The following GRID2 variants were observed in gnomAD, a reference collection of about 807,000 sequenced individuals.
The protein encoded by GRID2 is glutamate ionotropic receptor delta type subunit 2, also known as glutamate receptor ionotropic, delta-2.
Under a neutral mutation model 114.8 loss-of-function variants are expected in GRID2, and 33 were observed. The observed-to-expected ratio is 0.29, with a 90% CI of 0.22 to 0.38. The LOEUF is 0.38. Ranked by LOEUF, GRID2 falls within the 10% of genes least tolerant of loss-of-function variation. The probability of loss-of-function intolerance (pLI) is 1.00; values close to 1 mark genes in which losing one functional copy is unlikely to be tolerated. For synonymous variants in GRID2, 505 were observed against 449.9 expected (o/e 1.12, Z -1.55); for missense variants, 1,184 against 1,257.7 (o/e 0.94, Z 0.89).
At chr4:92,475,867 A>G (rs1250584525) in intron 1 of GRID2, among the ~76,000 whole-genome samples, 1 of 151,974 alleles carries the variant, frequency 6.6e-6, no homozygotes, top group Non-Finnish European at 1.5e-5. Context: ...TTTTCGGTTT[A>G]CAGATCTTTT....
chr4:93,383,651 T>A (rs1377469260), intron 8 of GRID2, among the ~76,000 whole-genome samples: 2 of 152,170 alleles, frequency 1.3e-5, no homozygotes, highest in African/African-American at 4.8e-5. Context: ...GAGAACCAGC[T>A]GTAATTCTAA....
At chr4:93,388,971 G>A (rs563529736) in intron 8 of GRID2, among the ~76,000 whole-genome samples, 1 of 152,160 alleles carries the variant, frequency 6.6e-6, no homozygotes, top group African/African-American at 2.4e-5. Flanking sequence ...TGAAGTGATA[G>A]TGAAATATAA....
At position 92,445,152 on chromosome 4, in the gene GRID2, C is replaced by T. The variant is rs770035983; in HGVS notation, c.88+140408C>T. Among the ~76,000 whole-genome samples the T allele has an allele frequency of 3.9e-4, 59 of 152,158 alleles. 1 individual carries two copies. Among genetic ancestry groups the T allele is most frequent in the Non-Finnish European group, 2.9e-4 (20 of 68,028 alleles). The stretch of plus-strand genomic sequence containing the variant: ...TTTCACATCTCTTAACTCATTTGAT[C>T]TTGTTAACAGTGCTACAAAGTAGAT... On this transcript the variant is annotated intron_variant, in intron 1 of 15. Coordinates refer to ENST00000282020, the MANE Select transcript of GRID2 (RefSeq NM_001510.4).
chr4:92,460,973 A>AT, intron 1 of GRID2, among the ~76,000 whole-genome samples: 1 of 151,612 alleles, frequency 6.6e-6, no homozygotes, highest in Non-Finnish European at 1.5e-5. Context: ...ACGCTAACCT[A>AT]TTTTCCTCCC....
chr4:93,602,153 C>T (rs1244331224), intron 13 of GRID2, among the ~76,000 whole-genome samples: 4 of 152,150 alleles, frequency 2.6e-5, no homozygotes, highest in Non-Finnish European at 5.9e-5. Flanking sequence ...ATAAGAAAAT[C>T]TTCCCATTTT....
chr4:92,451,426 T>G (rs1018054787), intron 1 of GRID2, among the ~76,000 whole-genome samples: 1 of 152,102 alleles, frequency 6.6e-6, no homozygotes, highest in Non-Finnish European at 1.5e-5. Flanking sequence ...TAAGAAAAAT[T>G]ATTTGACCAC....
At chr4:92,356,145 A>AT (rs1159717932) in intron 1 of GRID2, among the ~76,000 whole-genome samples, 2 of 151,630 alleles carry the variant, frequency 1.3e-5, no homozygotes, top group Non-Finnish European at 3.0e-5. Context: ...TAACTTTCAT[A>AT]TTTTAAAAAA....
At chr4:93,442,444 T>C (rs1721707995) in intron 10 of GRID2, among the ~76,000 whole-genome samples, 1 of 152,076 alleles carries the variant, frequency 6.6e-6, no homozygotes, top group Non-Finnish European at 1.5e-5. Context: ...CCTCTTCTAA[T>C]GCTACTGTAA....
At chr4:93,574,191 G>A (rs1736197857) in intron 13 of GRID2, among the ~76,000 whole-genome samples, 1 of 152,118 alleles carries the variant, frequency 6.6e-6, no homozygotes, top group African/African-American at 2.4e-5. Context: ...ACTTCCTCCA[G>A]CTATGCCTAT....
chr4:93,224,757 G>A lies in GRID2; in HGVS notation c.1107G>A (p.Met369Ile). The A allele has an allele frequency of 6.2e-7, 1 of 1,611,680 alleles. No individual in the cohort carries two copies. The change falls in exon 7 of 16, where the codon ATG becomes ATA. Residue 369 changes from methionine to isoleucine, a missense_variant. Physicochemically the swap from Met to Ile is conservative, Grantham distance 10 (BLOSUM62 1). Coordinates refer to ENST00000282020, the MANE Select transcript of GRID2 (RefSeq NM_001510.4). Reference sequence around the variant, plus strand: ...AGCCCTGGCAGGGTGGGCGCTCCATGTTGGAGACCATCAAGAAGGTAACTT... The same window carrying A: ...AGCCCTGGCAGGGTGGGCGCTCCATATTGGAGACCATCAAGAAGGTAACTT... The part of the protein sequence containing the change: ...NSKPWQGGRS[M>I]LETIKKGGVS...
chr4:92,834,138 C>T (rs761132668), intron 2 of GRID2, among the ~76,000 whole-genome samples: 19 of 152,072 alleles, frequency 1.2e-4, no homozygotes, highest in Non-Finnish European at 2.2e-4. Flanking sequence ...TTCCCCTGAA[C>T]CTTTATATTT....
intron 8 of GRID2, among the ~76,000 whole-genome samples, chr4:93,261,703 G>A (rs1295207518): frequency 6.6e-6 from 1 of 151,794 alleles, no homozygotes; most frequent in Admixed American, 6.6e-5. Context: ...ATAGGAGTAT[G>A]TATTCCTGTA....
chr4:93,116,564 A>G (rs990110011), intron 4 of GRID2, among the ~76,000 whole-genome samples: 2 of 152,050 alleles, frequency 1.3e-5, no homozygotes, highest in African/African-American at 4.8e-5. Flanking sequence ...AATCTCCAAA[A>G]TCCCCATTTC....
intron 2 of GRID2, among the ~76,000 whole-genome samples, chr4:92,652,786 G>A (rs1274810271): frequency 7.4e-6 from 1 of 134,614 alleles, no homozygotes; most frequent in Non-Finnish European, 1.6e-5. Context: ...GACCAGCCTG[G>A]CCAAGATGGT....
chr4:93,229,645 A>G (rs1333136819), intron 7 of GRID2, among the ~76,000 whole-genome samples: 1 of 152,204 alleles, frequency 6.6e-6, no homozygotes, highest in African/African-American at 2.4e-5. Context: ...CACGCTACAT[A>G]CACATTAAAA....
chr4:93,105,964 T>A lies in GRID2; in HGVS notation c.530-4784T>A, dbSNP rs150795729. Among the ~76,000 whole-genome samples, 8 of 152,292 alleles carry A rather than the reference T, an allele frequency of 5.3e-5. No homozygotes were observed. The East Asian group carries it at 1.4e-3, about 26-fold the overall frequency. ...TTACAGGGATTAACATGTGAGCATT[T>A]TGGGGAGACCAATATTCTGCCTACC... On this transcript the variant is annotated intron_variant, in intron 3 of 15. Transcript: ENST00000282020.
chr4:93,631,522 A>G (rs546750966), intron 14 of GRID2, among the ~76,000 whole-genome samples: 3 of 152,314 alleles, frequency 2.0e-5, no homozygotes, highest in Non-Finnish European at 4.4e-5. Flanking sequence ...ACCTTCATCT[A>G]TGTCCCTACA....
chr4:92,921,778 A>T (rs1227717744), intron 2 of GRID2, among the ~76,000 whole-genome samples: 1 of 152,180 alleles, frequency 6.6e-6, no homozygotes, highest in African/African-American at 2.4e-5. Context: ...CCACCCAGTT[A>T]GGCTACTCAG....
intron 2 of GRID2, among the ~76,000 whole-genome samples, chr4:92,888,670 A>G (rs1294677137): frequency 6.6e-6 from 1 of 152,056 alleles, no homozygotes; most frequent in African/African-American, 2.4e-5. Flanking sequence ...TATTTAACAT[A>G]TTAGAAATAA....
Sources: allele counts gnomAD v4.1 joint callset (sites outside exome capture counted in the v4.1 genomes callset), GRCh38; gene constraint gnomAD v4.1.1; transcripts MANE v1.5; gene names NCBI Gene and HGNC (gene_info 2026-07-23, HGNC 2026-07-21).